The following USH2A variants were observed in gnomAD, a reference collection of about 807,000 sequenced individuals.
USH2A encodes the protein Usher syndrome 2A (autosomal recessive, mild).
USH2A carries 443 observed loss-of-function variants against 538.9 expected under a neutral mutation model. That is an observed-to-expected ratio of 0.82 (90% CI 0.76 to 0.89). USH2A has a LOEUF of 0.89. Among genes scored for constraint, USH2A ranks in the 40% least tolerant of loss-of-function variants. USH2A has a pLI of 0.00. For synonymous variants in USH2A, 2,413 were observed against 2,273.5 expected (o/e 1.06, Z -1.75); for missense variants, 6,633 against 6,324.8 (o/e 1.05, Z -1.65).
intron 61 of USH2A, among the ~76,000 whole-genome samples, chr1:215,712,942 G>A (rs1659381023): frequency 6.6e-6 from 1 of 151,952 alleles, no homozygotes; most frequent in South Asian, 2.1e-4. Flanking sequence ...AAGTTGCTGG[G>A]ATTACAGGTG....
chr1:215,907,463 C>A (rs545616445), intron 38 of USH2A, among the ~76,000 whole-genome samples: 1 of 152,146 alleles, frequency 6.6e-6, no homozygotes, highest in African/African-American at 2.4e-5. Context: ...CAACCATCTT[C>A]TAGCCTTGTT....
At chr1:216,140,184 GAAGA>G (rs2033573411) in intron 21 of USH2A, among the ~76,000 whole-genome samples, 1 of 152,118 alleles carries the variant, frequency 6.6e-6, no homozygotes, top group Non-Finnish European at 1.5e-5. Flanking sequence ...TTCAGTGGAA[GAAGA>G]AATAATTAAC....
intron 37 of USH2A, among the ~76,000 whole-genome samples, chr1:215,949,955 G>A (rs867515624): frequency 4.6e-5 from 7 of 152,194 alleles, no homozygotes; most frequent in South Asian, 4.1e-4. Context: ...TATGGAAAAT[G>A]TTTGGTCTCA....
intron 50 of USH2A, 98 bp downstream of exon 50, chr1:215,798,809 G>A (rs1442566371): frequency 2.9e-6 from 4 of 1,366,842 alleles, no homozygotes; most frequent in East Asian, 4.7e-5. Context: ...ACCAATGTGA[G>A]CTTTAATTAC....
chr1:216,097,250 G>A (rs2032462827), intron 21 of USH2A, 37 bp from the exon 22 acceptor site: 1 of 1,613,448 alleles, frequency 6.2e-7, no homozygotes, highest in African/African-American at 1.3e-5. Context: ...TCAGTGCTGG[G>A]GTTTTGTTGA....
At position 216,422,435 on chromosome 1, in the gene USH2A, T is replaced by G. The variant is rs2039695782; in HGVS notation, c.-99A>C. 3 of 1,554,382 alleles carry G rather than the reference T, an allele frequency of 1.9e-6. No homozygotes were observed. The Admixed American group carries it at 5.3e-5, about 27-fold the overall frequency. On this transcript the variant is annotated 5_prime_UTR_variant, in exon 2 of 72. Transcript: ENST00000307340. ...ATACTTTGAAGCAGGGTACTTTAAG[T>G]GATGTTGCGATACTCCATTTTCTGG...
At chr1:215,685,528 T>C (rs1658396946) in intron 61 of USH2A, among the ~76,000 whole-genome samples, 1 of 151,964 alleles carries the variant, frequency 6.6e-6, no homozygotes, top group African/African-American at 2.4e-5. Flanking sequence ...CAGGTAATTT[T>C]TGTATTTTAA....
chr1:216,269,472 G>A (rs1343726351), intron 11 of USH2A, among the ~76,000 whole-genome samples: 1 of 152,072 alleles, frequency 6.6e-6, no homozygotes, highest in African/African-American at 2.4e-5. Context: ...TTTATCAGCA[G>A]TGTGAAAACG....
chr1:216,197,197 T>C (rs1275858492), intron 18 of USH2A, among the ~76,000 whole-genome samples: 2 of 152,144 alleles, frequency 1.3e-5, no homozygotes, highest in Admixed American at 6.6e-5. Context: ...GCATTCTAAA[T>C]AACCCCAATG....
At chr1:215,626,058 C>T (rs1254307337) in intron 71 of USH2A, among the ~76,000 whole-genome samples, 188 bp from the exon 72 acceptor site, 2 of 151,884 alleles carry the variant, frequency 1.3e-5, no homozygotes, top group African/African-American at 4.8e-5. Flanking sequence ...ACATCACATG[C>T]ACACATGAAC....
At chr1:216,183,095 G>T (rs530624050) in intron 20 of USH2A, among the ~76,000 whole-genome samples, 31 of 152,152 alleles carry the variant, frequency 2.0e-4, no homozygotes, top group African/African-American at 6.5e-4. Context: ...ACCCTGCTAA[G>T]CAGGGATCTC....
intron 3 of USH2A, among the ~76,000 whole-genome samples, chr1:216,401,920 C>A (rs1322465173): frequency 1.3e-5 from 2 of 152,046 alleles, no homozygotes; most frequent in Non-Finnish European, 2.9e-5. Context: ...AATATAGAAT[C>A]ACTCAAGAAA....
rs897930779 is a variant in USH2A at position 216,058,179 on chromosome 1, G to A, written c.6050-9532C>T. On this transcript the variant is annotated intron_variant, in intron 30 of 71. Transcript: ENST00000307340. Reference sequence around the variant, plus strand: ...CAAAAAGATGAAGTGTGTGGGTCTCGCCTATGAACATCCCGCCTCTGCATT... The same window carrying A: ...CAAAAAGATGAAGTGTGTGGGTCTCACCTATGAACATCCCGCCTCTGCATT... 9.4e-5 allele frequency among the ~76,000 whole-genome samples: 12 copies of A among 127,256 alleles called. 2 individuals are homozygous for A. The highest frequency in any genetic ancestry group is 3.7e-4 in the African/African-American group (11 of 29,852). 83.5% of individuals were successfully genotyped at this position (127,256 alleles called of 152,430 possible).
At chr1:216,056,726 G>A (rs1163079138) in intron 30 of USH2A, among the ~76,000 whole-genome samples, 4 of 152,062 alleles carry the variant, frequency 2.6e-5, no homozygotes, top group Non-Finnish European at 4.4e-5. Context: ...AAGTTTGTAT[G>A]CCTGTAATAT....
At chr1:216,329,401 A>T (rs757240785) in intron 4 of USH2A, among the ~76,000 whole-genome samples, 1 of 152,170 alleles carries the variant, frequency 6.6e-6, no homozygotes. Flanking sequence ...TGAGAAGAAT[A>T]CATGCAAATA....
intron 30 of USH2A, among the ~76,000 whole-genome samples, chr1:216,053,032 C>T (rs539182101): frequency 2.8e-4 from 43 of 152,172 alleles, no homozygotes; most frequent in Admixed American, 1.3e-4. Flanking sequence ...CCGCTATATG[C>T]GTCTGGAAAA....
In USH2A at chr1:216,076,252, T is replaced by G. The variant is rs182684800; in HGVS notation, c.5572+1837A>C. Among the ~76,000 whole-genome samples, 279 of 152,296 alleles carry G rather than the reference T, an allele frequency of 1.8e-3. 1 individual carries two copies. Among genetic ancestry groups the G allele is most frequent in the Admixed American group, 5.6e-3 (86 of 15,296 alleles). On this transcript the variant is annotated intron_variant, in intron 27 of 71. Coordinates refer to ENST00000307340, the MANE Select transcript of USH2A (RefSeq NM_206933.4). ...CGTTCCAGCTACCATACGTCAATAT[T>G]TTTTCAGTGTTTTGAGACCACTGAT...
chr1:216,271,028 G>C (rs2036563455), intron 11 of USH2A, among the ~76,000 whole-genome samples: 2 of 152,092 alleles, frequency 1.3e-5, no homozygotes, highest in Non-Finnish European at 1.5e-5. Context: ...CCAAGTACTA[G>C]CAATTCTAAA....
At chr1:216,159,384 T>C (rs550718853) in intron 21 of USH2A, among the ~76,000 whole-genome samples, 1 of 152,266 alleles carries the variant, frequency 6.6e-6, no homozygotes, top group Non-Finnish European at 1.5e-5. Flanking sequence ...TGAATAGTTA[T>C]TATATTTTAT....
Sources: gnomAD v4.1 joint callset for allele counts (sites outside exome capture counted in the v4.1 genomes callset) on GRCh38, gnomAD v4.1.1 for gene constraint, MANE v1.5 for transcripts, NCBI Gene and HGNC (gene_info 2026-07-23, HGNC 2026-07-21) for gene names.